The following DHX9 variants were observed in gnomAD, a reference collection of about 807,000 sequenced individuals.
DHX9 encodes DExH-box helicase 9.
A neutral mutation model predicts 148.7 loss-of-function variants in DHX9; 27 were observed. The observed-to-expected ratio is 0.18, with a 90% CI of 0.13 to 0.25. The LOEUF is 0.25. DHX9 is among the 10% of genes least tolerant of loss of function. DHX9 has a pLI of 1.00. For synonymous variants in DHX9, 529 were observed against 516.6 expected (o/e 1.02, Z -0.33); for missense variants, 796 against 1,559.6 (o/e 0.51, Z 8.25).
chr1:182,864,064 T>C (rs1648167352), intron 12 of DHX9, among the ~76,000 whole-genome samples: 1 of 152,156 alleles, frequency 6.6e-6, no homozygotes, highest in Non-Finnish European at 1.5e-5. Flanking sequence ...CTTTGGAGGC[T>C]GAGGTGGGAG....
At chr1:182,845,101 G>T (rs1448811783) in intron 3 of DHX9, among the ~76,000 whole-genome samples, 5 of 152,092 alleles carry the variant, frequency 3.3e-5, no homozygotes, top group Admixed American at 6.5e-5. Context: ...CTTACTTTCC[G>T]GTAGATTAAC....
chr1:182,880,131 T>C (rs931106183), intron 21 of DHX9, among the ~76,000 whole-genome samples: 8 of 152,242 alleles, frequency 5.3e-5, no homozygotes, highest in African/African-American at 1.9e-4. Flanking sequence ...ATCTACTATG[T>C]AACTTCAGAA....
chr1:182,857,628 A>G (rs11811923), intron 7 of DHX9, among the ~76,000 whole-genome samples: 1,650 of 152,338 alleles, frequency 0.011, 28 homozygotes, highest in African/African-American at 0.037. Flanking sequence ...CATTAAAGGC[A>G]GAGTTGAGTA....
At chr1:182,857,774 T>G (rs1391641587) in intron 7 of DHX9, among the ~76,000 whole-genome samples, 1 of 152,238 alleles carries the variant, frequency 6.6e-6, no homozygotes, top group African/African-American at 2.4e-5. Flanking sequence ...TTTTTACTCT[T>G]TGTCTTTTCA....
chr1:182,867,378 A>G (rs936683362), intron 14 of DHX9, among the ~76,000 whole-genome samples: 6 of 152,014 alleles, frequency 3.9e-5, no homozygotes, highest in Non-Finnish European at 7.4e-5. Flanking sequence ...TTGATTTGGA[A>G]GTTTATGATA....
chr1:182,854,379 G>C (rs1668216845), intron 6 of DHX9, among the ~76,000 whole-genome samples: 1 of 152,214 alleles, frequency 6.6e-6, no homozygotes, highest in Non-Finnish European at 1.5e-5. Flanking sequence ...AATTTTAGCT[G>C]TGTAAGAAGT....
chr1:182,879,228 T>C (rs1648972492), intron 20 of DHX9, 22 bp from the exon 21 acceptor site: 2 of 1,448,452 alleles, frequency 1.4e-6, no homozygotes, highest in Admixed American at 2.0e-5. Context: ...AGGATGGTTA[T>C]TTTATGCTTA....
At chr1:182,850,161 G>A (rs1161101620) in intron 3 of DHX9, among the ~76,000 whole-genome samples, 1 of 151,788 alleles carries the variant, frequency 6.6e-6, no homozygotes, top group African/African-American at 2.4e-5. Context: ...ATATCCTTAA[G>A]TATTAAGTAT....
intron 14 of DHX9, among the ~76,000 whole-genome samples, 185 bp downstream of exon 14, chr1:182,867,228 C>CT (rs1411311168): frequency 6.6e-6 from 1 of 151,988 alleles, no homozygotes; most frequent in Non-Finnish European, 1.5e-5. Context: ...TATTGTTAAA[C>CT]TTTACAGAAA....
At chr1:182,861,134 T>TTTGTATAA (rs963735615) in intron 12 of DHX9, among the ~76,000 whole-genome samples, 30 of 152,316 alleles carry the variant, frequency 2.0e-4, no homozygotes, top group East Asian at 1.7e-3. Context: ...AATTAGTATA[T>TTTGTATAA]TTGTATAATT....
At chr1:182,858,014 T>C (rs1668287124) in intron 7 of DHX9, 90 bp from the exon 8 acceptor site, 1 of 1,342,752 alleles carries the variant, frequency 7.4e-7, no homozygotes, top group South Asian at 1.4e-5. Context: ...TAGGGCTTCT[T>C]GTGTACGTAA....
chr1:182,859,168 A>G, intron 11 of DHX9, 51 bp downstream of exon 11: 1 of 1,538,588 alleles, frequency 6.5e-7, no homozygotes, highest in African/African-American at 1.4e-5. Context: ...AGAATGTTCT[A>G]GGTATGGGTA....
chr1:182,870,715 T>C (rs1490111976), intron 14 of DHX9, among the ~76,000 whole-genome samples: 3 of 152,168 alleles, frequency 2.0e-5, no homozygotes, highest in South Asian at 2.1e-4. Context: ...GTAGAAAATA[T>C]AAAAATATAA....
rs987110769 is a variant in DHX9 at position 182,866,428 on chromosome 1, T to C, written c.1333-16T>C. The C allele has an allele frequency of 6.2e-7, 1 of 1,610,478 alleles. No homozygotes were observed. Among genetic ancestry groups the C allele is most frequent in the African/African-American group, 1.3e-5 (1 of 74,780 alleles). ...CTTTGTAGTTGTTAAGTCACTTTTCTTTTTTTCTGTCTCAGCCCAGAAGAA... is the reference window on the plus strand; with the variant it reads ...CTTTGTAGTTGTTAAGTCACTTTTCCTTTTTTCTGTCTCAGCCCAGAAGAA... On this transcript the variant is annotated splice_polypyrimidine_tract_variant and intron_variant, in intron 12 of 27. Coordinates refer to ENST00000367549, the MANE Select transcript of DHX9 (RefSeq NM_001357.5).
At chr1:182,854,002 C>T in intron 5 of DHX9, 28 bp from the exon 6 acceptor site, 1 of 1,604,198 alleles carries the variant, frequency 6.2e-7, no homozygotes, top group South Asian at 1.1e-5. Flanking sequence ...CTTAACACAG[C>T]CAAATTTAAT....
chr1:182,864,375 A>G (rs933875209), intron 12 of DHX9, among the ~76,000 whole-genome samples: 3 of 152,154 alleles, frequency 2.0e-5, no homozygotes, highest in Non-Finnish European at 4.4e-5. Context: ...TAGCTACCAT[A>G]CCGGGCTTAA....
At chr1:182,854,295 T>G in intron 6 of DHX9, 117 bp downstream of exon 6, 1 of 954,482 alleles carries the variant, frequency 1.0e-6, no homozygotes, top group East Asian at 2.6e-5. Flanking sequence ...TAGAATTGAA[T>G]TGTTAAAAGA....
chr1:182,861,866 A>G (rs543565096), intron 12 of DHX9, among the ~76,000 whole-genome samples: 1 of 152,334 alleles, frequency 6.6e-6, no homozygotes, highest in East Asian at 1.9e-4. Flanking sequence ...TCAAAATTTT[A>G]AAAACCTATA....
At chr1:182,886,422 C>G (rs1649334714) in intron 27 of DHX9, among the ~76,000 whole-genome samples, 1 of 152,068 alleles carries the variant, frequency 6.6e-6, no homozygotes, top group Non-Finnish European at 1.5e-5. Context: ...TCTCTAACTC[C>G]TGACGTCAGG....
Sources: gnomAD v4.1 joint callset for allele counts (sites outside exome capture counted in the v4.1 genomes callset) on GRCh38, gnomAD v4.1.1 for gene constraint, MANE v1.5 for transcripts, NCBI Gene and HGNC (gene_info 2026-07-23, HGNC 2026-07-21) for gene names.